The following RERE variants were observed in gnomAD, a reference collection of about 807,000 sequenced individuals.
RERE encodes the protein arginine-glutamic acid dipeptide repeats.
RERE carries 40 observed loss-of-function variants against 146.1 expected under a neutral mutation model. The ratio of observed to expected loss-of-function variants is 0.27; its 90% CI spans 0.21 to 0.36. The LOEUF (loss-of-function observed/expected upper bound fraction) is 0.36, where lower values mean the gene tolerates loss of function less well. Ranked by LOEUF, RERE falls within the 10% of genes least tolerant of loss-of-function variation. The pLI is 1.00. For missense variants in RERE, 1,933 were observed against 2,138.7 expected (o/e 0.90, Z 1.90); for synonymous variants, 1,003 against 866.0 (o/e 1.16, Z -2.78).
chr1:8,788,146 T>C (rs908167758), intron 1 of RERE, among the ~76,000 whole-genome samples: 7 of 152,020 alleles, frequency 4.6e-5, no homozygotes, highest in Non-Finnish European at 7.4e-5. Context: ...AAGAAGTTTA[T>C]GGTTGTAGTA....
chr1:8,780,746 T>C (rs574032842), intron 1 of RERE, among the ~76,000 whole-genome samples: 1 of 152,314 alleles, frequency 6.6e-6, no homozygotes, highest in South Asian at 2.1e-4. Context: ...TAAAAACTAT[T>C]GTAATCTTAC....
rs181684174 is a variant in RERE, at chr1:8,383,677, G to A, written c.1285-17703C>T. Among the ~76,000 whole-genome samples, 31 of 152,052 alleles carry A rather than the reference G, an allele frequency of 2.0e-4. No individual in the cohort carries two copies. The East Asian group carries it at 5.2e-3, about 26-fold the overall frequency. On this transcript the variant is annotated intron_variant, in intron 12 of 22. Transcript: ENST00000400908. ...AGTTTGAGACCAGCCTGACCAACACGGTGAAACTTTATCTCTACTAAAAAT... is the reference window on the plus strand; with the variant it reads ...AGTTTGAGACCAGCCTGACCAACACAGTGAAACTTTATCTCTACTAAAAAT...
chr1:8,379,496 T>C (rs1020671610), intron 12 of RERE, among the ~76,000 whole-genome samples: 1 of 151,880 alleles, frequency 6.6e-6, no homozygotes, highest in Non-Finnish European at 1.5e-5. Context: ...CCACCAGGGG[T>C]TCGGGTGTAA....
intron 1 of RERE, among the ~76,000 whole-genome samples, chr1:8,811,574 C>T (rs1404805067): frequency 6.6e-6 from 1 of 152,206 alleles, no homozygotes; most frequent in Non-Finnish European, 1.5e-5. Context: ...TGCCACTGCA[C>T]TCCAGCCTGA....
At chr1:8,599,127 C>G (rs1480327893) in intron 4 of RERE, among the ~76,000 whole-genome samples, 1 of 152,322 alleles carries the variant, frequency 6.6e-6, no homozygotes, top group East Asian at 1.9e-4. Context: ...GCTCCCTAGC[C>G]ATCACACTAC....
chr1:8,355,159 C>G (rs1442643553), intron 22 of RERE, 39 bp from the exon 23 acceptor site: 1 of 1,609,766 alleles, frequency 6.2e-7, no homozygotes, highest in South Asian at 1.1e-5. Flanking sequence ...TAGTCTCAGG[C>G]CTAGGCAGGC....
chr1:8,788,089 C>A (rs1569798396), intron 1 of RERE, among the ~76,000 whole-genome samples: 2 of 151,740 alleles, frequency 1.3e-5, no homozygotes, highest in East Asian at 3.9e-4. Flanking sequence ...CAGAGTAAGA[C>A]CCTGTCTCAA....
chr1:8,406,274 T>C (rs1643435580), intron 12 of RERE, among the ~76,000 whole-genome samples: 1 of 152,088 alleles, frequency 6.6e-6, no homozygotes. Context: ...GGTCTCACGA[T>C]GTTGCCCAGA....
chr1:8,805,008 G>GTTTTTTTTTTTTTTTT (rs1186832596), intron 1 of RERE, among the ~76,000 whole-genome samples: 2 of 77,836 alleles, frequency 2.6e-5, no homozygotes, highest in South Asian at 4.1e-4. Flanking sequence ...TTTGTTTTTG[G>GTTTTTTTTTTTTTTTT]TTTTTTTTTT....
chr1:8,748,088 A>G (rs1640459467), intron 1 of RERE, among the ~76,000 whole-genome samples: 1 of 152,132 alleles, frequency 6.6e-6, no homozygotes, highest in Admixed American at 6.5e-5. Flanking sequence ...ATAACTTTCT[A>G]TATTACTTAA....
chr1:8,542,987 G>A (rs560368444), intron 6 of RERE, among the ~76,000 whole-genome samples: 1 of 152,074 alleles, frequency 6.6e-6, no homozygotes, highest in South Asian at 2.1e-4. Context: ...AATTTTATTT[G>A]ATCTTAACAA....
At chr1:8,413,956 G>T (rs1643686270) in intron 12 of RERE, among the ~76,000 whole-genome samples, 1 of 151,742 alleles carries the variant, frequency 6.6e-6, no homozygotes, top group East Asian at 2.0e-4. Flanking sequence ...TCGGGAGGAA[G>T]AGGGAGGAGA....
rs59752248 is a variant in RERE, at chr1:8,401,038, CATATATATATATAT to C, written c.1284+21675_1284+21688del. Among the ~76,000 whole-genome samples the C allele has an allele frequency of 3.8e-3, 220 of 57,478 alleles. 6 individuals carry two copies. The highest frequency in any genetic ancestry group is 7.4e-3 in the African/African-American group (132 of 17,926). The allele number at this position is 57,478 out of a possible 152,430, so 37.7% of individuals were successfully genotyped here. ...GTCTCAAAAAAAAAAAAAAAAAAAC[CATATATATATATAT>C]ATATATATATATATATATATGTCAC... On this transcript the variant is annotated intron_variant, in intron 12 of 22. Transcript: ENST00000400908.
chr1:8,748,367 C>G (rs916029000), intron 1 of RERE, among the ~76,000 whole-genome samples: 15 of 152,166 alleles, frequency 9.9e-5, no homozygotes, highest in African/African-American at 3.1e-4. Context: ...GTCATTCACT[C>G]TCACACCATC....
intron 6 of RERE, among the ~76,000 whole-genome samples, chr1:8,554,654 G>A (rs1351059733): frequency 7.4e-6 from 1 of 134,878 alleles, no homozygotes; most frequent in Non-Finnish European, 1.5e-5. Context: ...ACTCCAGGCT[G>A]GACAACAGAG....
At chr1:8,455,002 C>T (rs1441678520) in intron 11 of RERE, among the ~76,000 whole-genome samples, 1 of 151,992 alleles carries the variant, frequency 6.6e-6, no homozygotes, top group African/African-American at 2.4e-5. Context: ...GCCCACCAAC[C>T]CACCCCAAAA....
At chr1:8,717,708 C>T (rs1026945954) in intron 1 of RERE, among the ~76,000 whole-genome samples, 5 of 152,134 alleles carry the variant, frequency 3.3e-5, no homozygotes, top group African/African-American at 1.2e-4. Context: ...GGATAAACTT[C>T]GAAAGGAGAT....
At position 8,356,095 on chromosome 1, in the gene RERE, C is replaced by G; in HGVS notation, c.4486+5G>C. On this transcript the variant is annotated splice_donor_5th_base_variant and intron_variant, in intron 21 of 22. Coordinates refer to ENST00000400908, the MANE Select transcript of RERE (RefSeq NM_001042681.2). This position sits in a 1 kb window ranked among gnomAD's most constrained non-coding sequence, Gnocchi z 5.2. ...TCCCCGCCCCTCCTGGAGGGGAAGT[C>G]TTACCGAAAACTGGGTGGCGAAGCA... is the stretch of plus-strand genomic sequence containing the variant. 3.3e-6 allele frequency: 5 copies of G among 1,494,044 alleles called. No homozygotes were observed. 92.5% of individuals were successfully genotyped at this position (1,494,044 alleles called of 1,614,324 possible).
chr1:8,815,367 T>C (rs1641890860), intron 1 of RERE, among the ~76,000 whole-genome samples: 1 of 152,174 alleles, frequency 6.6e-6, no homozygotes, highest in Non-Finnish European at 1.5e-5. Context: ...TAAAATCTAT[T>C]TCTATCTAGA....
Sources: gnomAD v4.1 joint callset for allele counts (sites outside exome capture counted in the v4.1 genomes callset) on GRCh38, gnomAD v4.1.1 for gene constraint, Gnocchi (gnomAD v3.1) non-coding constraint, MANE v1.5 for transcripts, NCBI Gene and HGNC (gene_info 2026-07-23, HGNC 2026-07-21) for gene names.